The following ROBO1 variants were observed in gnomAD, a reference collection of about 807,000 sequenced individuals.
ROBO1 encodes the protein roundabout guidance receptor 1.
Under a neutral mutation model 195.9 loss-of-function variants are expected in ROBO1, and 149 were observed. The observed-to-expected ratio is 0.76, with a 90% CI of 0.67 to 0.87. The LOEUF (loss-of-function observed/expected upper bound fraction) is 0.87. ROBO1 is among the 40% of genes least tolerant of loss of function. The pLI is 0.00. For synonymous variants in ROBO1, 816 were observed against 733.2 expected (o/e 1.11, Z -1.82); for missense variants, 1,933 against 2,068.3 (o/e 0.93, Z 1.27).
At chr3:79,692,058 A>G (rs1397214878) in intron 1 of ROBO1, among the ~76,000 whole-genome samples, 1 of 151,928 alleles carries the variant, frequency 6.6e-6, no homozygotes. Flanking sequence ...TCTGGTAGAC[A>G]GGACTATAAA....
At chr3:78,916,262 AC>A (rs1374118679) in intron 4 of ROBO1, among the ~76,000 whole-genome samples, 17 of 139,624 alleles carry the variant, frequency 1.2e-4, no homozygotes, top group Non-Finnish European at 1.8e-4. Flanking sequence ...AAAAAAAAAA[AC>A]AACTTTATTC....
chr3:78,680,199 T>G (rs1321532247), intron 10 of ROBO1, among the ~76,000 whole-genome samples: 1 of 152,190 alleles, frequency 6.6e-6, no homozygotes, highest in Non-Finnish European at 1.5e-5. Flanking sequence ...GATTAAAGAC[T>G]TAAATGTTAG....
At chr3:79,654,205 G>A (rs762362133) in intron 1 of ROBO1, among the ~76,000 whole-genome samples, 8 of 152,024 alleles carry the variant, frequency 5.3e-5, no homozygotes, top group Non-Finnish European at 4.4e-5. Context: ...CAATTCATAT[G>A]TAATTAATCA....
rs1370720858 is a variant in ROBO1 at position 78,614,805 on chromosome 3, G to T, written c.4283-5C>A. On this transcript the variant is annotated splice_polypyrimidine_tract_variant and splice_region_variant and intron_variant, in intron 27 of 30. Transcript: ENST00000464233. ...ACGCATGAAAATGTCGACGGCCTAAGGAGAAAAAAAAAAAAAATCCAAGCC... is the reference window on the plus strand; with the variant it reads ...ACGCATGAAAATGTCGACGGCCTAATGAGAAAAAAAAAAAAAATCCAAGCC... The T allele has an allele frequency of 3.4e-6, 5 of 1,478,646 alleles. No individual in the cohort carries two copies. The highest frequency in any genetic ancestry group is 1.4e-5 in the South Asian group (1 of 72,598). The allele number at this position is 1,478,646 out of a possible 1,614,324, so 91.6% of individuals were successfully genotyped here.
chr3:78,611,013 A>G, intron 28 of ROBO1, among the ~76,000 whole-genome samples: 1 of 152,304 alleles, frequency 6.6e-6, no homozygotes, highest in South Asian at 2.1e-4. Context: ...GGATTTCACA[A>G]ATTGGATTGT....
chr3:79,196,378 C>A (rs1576800749), intron 2 of ROBO1, among the ~76,000 whole-genome samples: 1 of 144,382 alleles, frequency 6.9e-6, no homozygotes, highest in Non-Finnish European at 1.5e-5. Context: ...GCACACGCAC[C>A]AAGAGAGAGA....
At chr3:79,211,766 T>G (rs1047299635) in intron 2 of ROBO1, among the ~76,000 whole-genome samples, 1 of 152,298 alleles carries the variant, frequency 6.6e-6, no homozygotes, top group Admixed American at 6.5e-5. Flanking sequence ...TTCCTTTTCT[T>G]GCTTGACTGA....
intron 5 of ROBO1, among the ~76,000 whole-genome samples, chr3:78,745,995 T>C (rs1478118472): frequency 6.6e-6 from 1 of 152,188 alleles, no homozygotes; most frequent in Non-Finnish European, 1.5e-5. Flanking sequence ...AATGGACAGA[T>C]ATCAGTGCAT....
chr3:79,168,676 C>T (rs1373864757), intron 2 of ROBO1, among the ~76,000 whole-genome samples: 2 of 152,098 alleles, frequency 1.3e-5, no homozygotes, highest in Middle Eastern at 3.2e-3. Context: ...GTCACTTCAA[C>T]GTTTCCATTT....
intron 1 of ROBO1, among the ~76,000 whole-genome samples, chr3:79,650,881 G>A (rs1402480997): frequency 3.3e-5 from 5 of 151,814 alleles, no homozygotes; most frequent in African/African-American, 1.2e-4. Context: ...ATATTCAATA[G>A]CATGTTTGCG....
intron 4 of ROBO1, among the ~76,000 whole-genome samples, chr3:78,871,890 T>C (rs2035575537): frequency 6.6e-6 from 1 of 152,160 alleles, no homozygotes; most frequent in African/African-American, 2.4e-5. Flanking sequence ...CACCTATTGC[T>C]GTAATATCAT....
intron 2 of ROBO1, among the ~76,000 whole-genome samples, chr3:79,219,040 C>T (rs1480180340): frequency 6.6e-6 from 1 of 151,924 alleles, no homozygotes; most frequent in Non-Finnish European, 1.5e-5. Context: ...AAAATGTTTT[C>T]AGTTAAATTA....
intron 2 of ROBO1, among the ~76,000 whole-genome samples, chr3:79,556,135 T>C (rs1942690736): frequency 6.6e-6 from 1 of 152,154 alleles, no homozygotes; most frequent in South Asian, 2.1e-4. Flanking sequence ...TTATCTTTTA[T>C]TCTTTAAATA....
chr3:79,170,073 A>G (rs905595360), intron 2 of ROBO1, among the ~76,000 whole-genome samples: 3 of 152,182 alleles, frequency 2.0e-5, no homozygotes, highest in East Asian at 1.9e-4. Context: ...AAAGGAAACA[A>G]TAAGTGCAAG....
intron 2 of ROBO1, among the ~76,000 whole-genome samples, chr3:79,364,081 G>C (rs1577024250): frequency 6.6e-6 from 1 of 152,110 alleles, no homozygotes; most frequent in Non-Finnish European, 1.5e-5. Context: ...GCACGCACCT[G>C]TAGTCCCAGC....
chr3:79,391,892 C>T lies in ROBO1; in HGVS notation c.88+197932G>A, dbSNP rs2036964738. Among the ~76,000 whole-genome samples, 4 of 152,080 alleles carry T rather than the reference C, an allele frequency of 2.6e-5. 1 individual carries two copies. Among genetic ancestry groups the T allele is most frequent in the African/African-American group, 9.7e-5 (4 of 41,394 alleles). ...ATCAACAGTCAAATGAACTATAGTTCCCAAAAGACAAATCTACAAGTATCA... is the reference window on the plus strand; with the variant it reads ...ATCAACAGTCAAATGAACTATAGTTTCCAAAAGACAAATCTACAAGTATCA... On this transcript the variant is annotated intron_variant, in intron 2 of 30. Coordinates refer to ENST00000464233, the MANE Select transcript of ROBO1 (RefSeq NM_002941.4).
intron 3 of ROBO1, among the ~76,000 whole-genome samples, chr3:78,961,592 C>T (rs2041349578): frequency 6.6e-6 from 1 of 152,054 alleles, no homozygotes; most frequent in African/African-American, 2.4e-5. Flanking sequence ...TATTATTATC[C>T]ATAACTTACA....
chr3:79,189,325 C>T (rs1448616734), intron 2 of ROBO1, among the ~76,000 whole-genome samples: 2 of 151,574 alleles, frequency 1.3e-5, no homozygotes, highest in Non-Finnish European at 3.0e-5. Context: ...AATAGATACC[C>T]ACCCACACAC....
chr3:78,722,944 AATTATTT>A (rs2082078212), intron 5 of ROBO1, among the ~76,000 whole-genome samples: 1 of 150,864 alleles, frequency 6.6e-6, no homozygotes, highest in African/African-American at 2.4e-5. Context: ...TTATTATTAT[AATTATTT>A]ATTACACATA....
Sources: allele counts gnomAD v4.1 joint callset (sites outside exome capture counted in the v4.1 genomes callset), GRCh38; gene constraint gnomAD v4.1.1; transcripts MANE v1.5; gene names NCBI Gene and HGNC (gene_info 2026-07-23, HGNC 2026-07-21).